DYSF: variants seen among roughly 807,000 people sequenced by gnomAD.
DYSF encodes the protein dysferlin, also known as dystrophy-associated fer-1-like 1.
In DYSF, 212 loss-of-function variants were observed where a neutral mutation model predicts 274.9. The ratio of observed to expected loss-of-function variants is 0.77; its 90% CI spans 0.69 to 0.86. The LOEUF is 0.86. Ranked by LOEUF, DYSF falls within the 40% of genes least tolerant of loss-of-function variation. The probability of loss-of-function intolerance (pLI) is 0.00; values close to 1 mark genes in which losing one functional copy is unlikely to be tolerated. For missense variants in DYSF, 2,666 were observed against 2,783.2 expected, an observed-to-expected ratio of 0.96 and a Z score of 0.95; for synonymous variants, 1,091 against 1,078.7, an observed-to-expected ratio of 1.01 and a Z score of -0.22.
chr2:71,574,306 C>A lies in DYSF; in HGVS notation c.3337C>A (p.Arg1113Ser), dbSNP rs141536854. 2 of 1,614,102 alleles carry A rather than the reference C, an allele frequency of 1.2e-6. No homozygotes were observed. Among genetic ancestry groups the A allele is most frequent in the Admixed American group, 3.3e-5 (2 of 60,030 alleles). ...AGATGCCTTCCGCCGCCGCCGCTGG[C>A]GCCGTCGCATGGAGCCACTGGAGAA... is the stretch of plus-strand genomic sequence containing the variant. Reference protein sequence around the residue: ...KTDAFRRRRWRRRMEPLEKTG... With the variant: ...KTDAFRRRRWSRRMEPLEKTG... Residue 1113 changes from arginine to serine, a missense_variant, in exon 30 of 56, where the codon CGC (arginine) becomes AGC (serine). Physicochemically the swap from Arg to Ser is moderately radical, Grantham distance 110. Coordinates refer to ENST00000410020, the MANE Select transcript of DYSF (RefSeq NM_001130987.2).
Position 71,516,199 on chromosome 2 carries a change from T to A in DYSF, c.908T>A (p.Phe303Tyr). 6.2e-7 allele frequency: 1 copy of A among 1,614,228 alleles called. No homozygotes were observed. The highest frequency in any genetic ancestry group is 2.2e-5 in the East Asian group (1 of 44,884). Residue 303 changes from phenylalanine (F) to tyrosine (Y), a missense_variant, in exon 9 of 56, where the codon TTT becomes TAT. By Grantham distance (22) the Phe-to-Tyr change is conservative. Coordinates refer to ENST00000410020, the MANE Select transcript of DYSF (RefSeq NM_001130987.2). ...LFNETLFFNL[F>Y]DSPGELFDEP... ...CAACAGACTCTTTTCTTCAACTTGT[T>A]TGACTCTCCTGGGGAGCTGTTTGAT...
chr2:71,468,042 A>T (rs1037871481), intron 1 of DYSF, among the ~76,000 whole-genome samples: 16 of 152,238 alleles, frequency 1.1e-4, no homozygotes, highest in African/African-American at 3.9e-4. Context: ...AGTTATATGT[A>T]TTCCTCTTTT....
chr2:71,474,637 G>C (rs1004349338), intron 1 of DYSF, among the ~76,000 whole-genome samples: 1 of 152,078 alleles, frequency 6.6e-6, no homozygotes, highest in Admixed American at 6.5e-5. Flanking sequence ...TCTCCTCTTT[G>C]GGGCTGCAGC....
At chr2:71,553,213 C>G in intron 20 of DYSF, 25 bp downstream of exon 20, 2 of 1,613,672 alleles carry the variant, frequency 1.2e-6, no homozygotes. Flanking sequence ...CTGGCTGGGA[C>G]CCCGATCACA....
chr2:71,511,870 C>T lies in DYSF; in HGVS notation c.409C>T (p.Pro137Ser), dbSNP rs761301098. ...TGGAGCTGTGCCCCTGTTCCCGCCC[C>T]CTACTCCTCTGGAGCCCTCCCCGAC... is the stretch of plus-strand genomic sequence containing the variant. ...LPGAVPLFPP[P>S]TPLEPSPTLP... is the part of the protein sequence containing the mutation. The change falls in exon 5 of 56, where the codon CCT becomes TCT. Residue 137 changes from proline (P) to serine (S), a missense_variant. Around this residue, in one of 3 missense-constraint regions of DYSF, gnomAD observed 794 missense variants for 777.1 expected, o/e 1.02. Coordinates refer to ENST00000410020, the MANE Select transcript of DYSF (RefSeq NM_001130987.2). 3.0e-5 allele frequency: 46 copies of T among 1,551,724 alleles called. 5 individuals are homozygous for T. In the Middle Eastern group the frequency reaches 5.0e-4, roughly 17 times the overall value.
chr2:71,480,590 TA>T (rs557848125), intron 1 of DYSF, among the ~76,000 whole-genome samples: 4 of 152,076 alleles, frequency 2.6e-5, no homozygotes, highest in Admixed American at 6.6e-5. Flanking sequence ...AATTTATAAT[TA>T]AAAAAATTAT....
intron 1 of DYSF, among the ~76,000 whole-genome samples, chr2:71,458,985 G>T (rs551636195): frequency 1.1e-4 from 16 of 152,310 alleles, no homozygotes; most frequent in African/African-American, 3.8e-4. Context: ...CATGGCTGTG[G>T]TCAGAACCAG....
intron 3 of DYSF, among the ~76,000 whole-genome samples, chr2:71,490,397 T>C (rs1017039938): frequency 3.3e-5 from 5 of 152,214 alleles, no homozygotes; most frequent in African/African-American, 1.2e-4. Context: ...TGGAGTGCAA[T>C]GGCACGATCT....
At chr2:71,536,673 C>G (rs2089375219) in intron 16 of DYSF, among the ~76,000 whole-genome samples, 2 of 152,200 alleles carry the variant, frequency 1.3e-5, no homozygotes, top group East Asian at 3.8e-4. Context: ...AAACACATTA[C>G]AGAATCTGGT....
chr2:71,485,625 C>A (rs182405836), intron 3 of DYSF, among the ~76,000 whole-genome samples: 172 of 152,270 alleles, frequency 1.1e-3, no homozygotes, highest in African/African-American at 3.9e-3. Context: ...TGTCACCCCA[C>A]CCCATGACCA....
chr2:71,549,996 C>G (rs1359433910), intron 17 of DYSF, among the ~76,000 whole-genome samples: 1 of 152,166 alleles, frequency 6.6e-6, no homozygotes, highest in Admixed American at 6.5e-5. Flanking sequence ...GTCCTGGCCC[C>G]TTCCTCATCC....
chr2:71,663,391 A>G lies in DYSF; in HGVS notation c.5004-877A>G, dbSNP rs570217032. 2.5e-4 allele frequency among the ~76,000 whole-genome samples: 38 copies of G among 152,334 alleles called. No homozygotes were observed. The South Asian group carries it at 7.7e-3, about 31-fold the overall frequency. On this transcript the variant is annotated intron_variant, in intron 45 of 55. Transcript: ENST00000410020. ...GTCAACTCCACAATCTCTCGCTGCT[A>G]CAACCCTCTGGGGGTCTCACAGGGC...
At chr2:71,553,753 T>TTCCCCCCCCCCCCCCCC in intron 20 of DYSF, 54 bp from the exon 21 acceptor site, 18 of 567,518 alleles carry the variant, frequency 3.2e-5, no homozygotes, top group South Asian at 8.0e-5. Context: ...TAGCACCCCA[T>TTCCCCCCCCCCCCCCCC]CCCACCCGCC....
At position 71,561,735 on chromosome 2, in the gene DYSF, C is replaced by G. The variant is rs2091783251; in HGVS notation, c.2217-17C>G. The G allele has an allele frequency of 1.2e-6, 2 of 1,614,046 alleles. No homozygotes were observed. Among genetic ancestry groups the G allele is most frequent in the Non-Finnish European group, 1.7e-6 (2 of 1,180,004 alleles). On this transcript the variant is annotated splice_polypyrimidine_tract_variant and intron_variant, in intron 22 of 55. Coordinates refer to ENST00000410020, the MANE Select transcript of DYSF (RefSeq NM_001130987.2). The stretch of plus-strand genomic sequence containing the variant: ...CCTGGGCTCATCAGGCGCATTCCAT[C>G]TGTCCGTCCCTCACAGCCAGCCTCT...
chr2:71,597,825 C>A (rs550890292), intron 32 of DYSF, among the ~76,000 whole-genome samples: 2 of 152,288 alleles, frequency 1.3e-5, no homozygotes, highest in East Asian at 3.9e-4. Context: ...CCCTTTAGCA[C>A]CCCACACCCA....
At chr2:71,646,342 C>T (rs1001523745) in intron 42 of DYSF, among the ~76,000 whole-genome samples, 2 of 152,210 alleles carry the variant, frequency 1.3e-5, no homozygotes, top group African/African-American at 2.4e-5. Flanking sequence ...CCCTCAGGTG[C>T]GGATGCTGAA....
At chr2:71,536,261 C>G (rs1430682602) in intron 16 of DYSF, among the ~76,000 whole-genome samples, 1 of 152,178 alleles carries the variant, frequency 6.6e-6, no homozygotes, top group Admixed American at 6.5e-5. Flanking sequence ...CCATGACACC[C>G]CCAACCAGGA....
In DYSF at chr2:71,674,192, G is replaced by C. The variant is rs950417854; in HGVS notation, c.5785-5G>C. On this transcript the variant is annotated splice_region_variant and splice_polypyrimidine_tract_variant and intron_variant, in intron 51 of 55. Transcript: ENST00000410020. The stretch of plus-strand genomic sequence containing the variant: ...GCATCCTTCTCTGTTCCTCTTCCGG[G>C]TCAGGATGCCTTCTGGAGGCTGGAC... The C allele has an allele frequency of 6.2e-7, 1 of 1,613,770 alleles. No individual in the cohort carries two copies. The highest frequency in any genetic ancestry group is 1.3e-5 in the African/African-American group (1 of 74,906).
chr2:71,488,421 G>T (rs1219187338), intron 3 of DYSF, among the ~76,000 whole-genome samples: 1 of 152,162 alleles, frequency 6.6e-6, no homozygotes, highest in African/African-American at 2.4e-5. Context: ...AAAGCACCAT[G>T]GTCAAAATGA....
Sources: allele counts gnomAD v4.1 joint callset (sites outside exome capture counted in the v4.1 genomes callset), GRCh38; gene constraint gnomAD v4.1.1; regional missense constraint gnomAD v4.1.1; transcripts MANE v1.5; gene names NCBI Gene and HGNC (gene_info 2026-07-23, HGNC 2026-07-21).